LAP3: variants seen among roughly 807,000 people sequenced by gnomAD.
The protein encoded by LAP3 is leucine aminopeptidase 3.
In LAP3, 46 loss-of-function variants were observed where a neutral mutation model predicts 58.8. The observed-to-expected ratio is 0.78, with a 90% CI of 0.62 to 1.00. The LOEUF is 1.00. Among genes scored for constraint, LAP3 ranks in the 50% least tolerant of loss-of-function variants. The pLI is 0.00. For missense variants in LAP3, 615 were observed against 659.1 expected (o/e 0.93, Z 0.73); for synonymous variants, 257 against 237.7 (o/e 1.08, Z -0.75).
At chr4:17,603,538 C>G (rs1245421684) in intron 10 of LAP3, among the ~76,000 whole-genome samples, 1 of 147,532 alleles carries the variant, frequency 6.8e-6, no homozygotes, top group Non-Finnish European at 1.5e-5. Context: ...GAGTTTCGCT[C>G]TTGTTGCTCA....
chr4:17,593,685 C>T (rs930302709), intron 7 of LAP3, among the ~76,000 whole-genome samples: 5 of 138,826 alleles, frequency 3.6e-5, no homozygotes, highest in African/African-American at 1.4e-4. Context: ...AATCTTGGCC[C>T]ACTGCAGCCT....
Position 17,577,324 on chromosome 4 carries a change from C to T in LAP3, c.-142C>T. On this transcript the variant is annotated 5_prime_UTR_variant, in exon 1 of 13. Coordinates refer to ENST00000226299, the MANE Select transcript of LAP3 (RefSeq NM_015907.3). ...CGGTGCTGCCCATCCGTCCCGCCCC[C>T]TAGACGCACGTCCGCTCGCCCGGCG... is the stretch of plus-strand genomic sequence containing the variant. 3 of 388,022 alleles carry T rather than the reference C, an allele frequency of 7.7e-6. No homozygotes were observed. The highest frequency in any genetic ancestry group is 7.4e-4 in the Middle Eastern group (1 of 1,348). The allele number at this position is 388,022 out of a possible 1,614,324, so 24.0% of individuals were successfully genotyped here.
chr4:17,578,882 C>T (rs1187506426), intron 1 of LAP3, among the ~76,000 whole-genome samples: 1 of 152,120 alleles, frequency 6.6e-6, no homozygotes, highest in Non-Finnish European at 1.5e-5. Context: ...CGATGGGAGG[C>T]ACAGCCATTG....
chr4:17,581,900 A>C, intron 3 of LAP3, 86 bp downstream of exon 3: 1 of 1,055,074 alleles, frequency 9.5e-7, no homozygotes, highest in Non-Finnish European at 1.5e-6. Context: ...CATACTAAAC[A>C]TTATGTGTTG....
Position 17,577,408 on chromosome 4 carries a change from C to A in LAP3, c.-58C>A. The A allele has an allele frequency of 7.4e-7, 1 of 1,359,912 alleles. No individual in the cohort carries two copies. The highest frequency in any genetic ancestry group is 9.8e-7 in the Non-Finnish European group (1 of 1,020,784). The allele number at this position is 1,359,912 out of a possible 1,614,324, so 84.2% of individuals were successfully genotyped here. On this transcript the variant is annotated 5_prime_UTR_variant, in exon 1 of 13. Transcript: ENST00000226299. ...CCGAAAGCCCCGCCCCAAGGCGCGC[C>A]CGCCCACCGCTCTCCACGTGCTCGC... is the stretch of plus-strand genomic sequence containing the variant.
chr4:17,598,471 G>A lies in LAP3; in HGVS notation c.1093G>A (p.Ala365Thr). ...CCCTCTGCAGGTTGATAACACTGAT[G>A]CTGAGGGGAGGCTCATACTGGCTGA... ...GKTIQVDNTD[A>T]EGRLILADAL... The change falls in exon 10 of 13, where the codon GCT (alanine) becomes ACT (threonine). Residue 365 changes from alanine (A) to threonine (T), a missense_variant. Ala to Thr is a moderately conservative substitution (Grantham distance 58). Transcript: ENST00000226299. The A allele has an allele frequency of 6.2e-7, 1 of 1,613,906 alleles. No homozygotes were observed. The highest frequency in any genetic ancestry group is 1.1e-5 in the South Asian group (1 of 91,076).
At chr4:17,580,545 AC>A (rs1205468400) in intron 2 of LAP3, among the ~76,000 whole-genome samples, 2 of 151,670 alleles carry the variant, frequency 1.3e-5, no homozygotes, top group South Asian at 2.1e-4. Flanking sequence ...TCCTCAGCCC[AC>A]CCTCCTGGCT....
chr4:17,585,967 A>G (rs1315224612), intron 6 of LAP3: 2 of 152,212 alleles, frequency 1.3e-5, no homozygotes, highest in East Asian at 3.8e-4. Context: ...CACATGGCTT[A>G]TTTTGGTGAA....
At chr4:17,602,613 TTATGATA>T (rs1174335436) in intron 10 of LAP3, among the ~76,000 whole-genome samples, 2 of 152,198 alleles carry the variant, frequency 1.3e-5, no homozygotes, top group African/African-American at 4.8e-5. Context: ...ATTCCTTAAA[TTATGATA>T]TCTCCATCCA....
intron 10 of LAP3, 139 bp downstream of exon 10, chr4:17,598,697 T>G: frequency 1.6e-6 from 1 of 634,174 alleles, no homozygotes. Flanking sequence ...ACCAGAGGAA[T>G]TGTTCTGCAG....
chr4:17,582,544 A>G (rs1424334938), intron 4 of LAP3, 151 bp downstream of exon 4: 1 of 626,602 alleles, frequency 1.6e-6, no homozygotes, highest in East Asian at 2.8e-5. Context: ...CCTCTTGCTG[A>G]ATATGGTTGG....
chr4:17,577,576 C>T lies in LAP3; in HGVS notation c.102+9C>T. Reference sequence around the variant, plus strand: ...CCGCAGACATGACGAAGGTGAGAGGCGGCGGCTCGCTCATGGTCCGCCGCT... The same window carrying T: ...CCGCAGACATGACGAAGGTGAGAGGTGGCGGCTCGCTCATGGTCCGCCGCT... On this transcript the variant is annotated intron_variant, in intron 1 of 12. Coordinates refer to ENST00000226299, the MANE Select transcript of LAP3 (RefSeq NM_015907.3). 6.5e-7 allele frequency: 1 copy of T among 1,533,234 alleles called. No homozygotes were observed. Among genetic ancestry groups the T allele is most frequent in the Non-Finnish European group, 8.8e-7 (1 of 1,137,876 alleles). The allele number at this position is 1,533,234 out of a possible 1,614,324, so 95.0% of individuals were successfully genotyped here.
intron 3 of LAP3, 191 bp from the exon 4 acceptor site, chr4:17,582,097 A>G (rs551134539): frequency 1.6e-6 from 1 of 613,732 alleles, no homozygotes; most frequent in Non-Finnish European, 2.9e-6. Context: ...CCTATAAGTT[A>G]TACAATTTTG....
At chr4:17,601,768 ATTG>A (rs1713986159) in intron 10 of LAP3, among the ~76,000 whole-genome samples, 1 of 152,092 alleles carries the variant, frequency 6.6e-6, no homozygotes, top group African/African-American at 2.4e-5. Context: ...GTTACACTGT[ATTG>A]TTTAGGGAAT....
chr4:17,590,948 T>A (rs1001365221), intron 7 of LAP3, among the ~76,000 whole-genome samples: 2 of 108,830 alleles, frequency 1.8e-5, no homozygotes, highest in Admixed American at 1.0e-4. Flanking sequence ...TTTTTTTTTT[T>A]AGTAGAGACG....
At chr4:17,582,487 C>G in intron 4 of LAP3, 94 bp downstream of exon 4, 5 of 866,998 alleles carry the variant, frequency 5.8e-6, no homozygotes, top group Non-Finnish European at 9.3e-6. Flanking sequence ...GTTGCCACCC[C>G]TTACCACGTT....
In LAP3 at chr4:17,595,632, TAAG is replaced by T. The variant is rs376839631; in HGVS notation, c.988+101_988+103del. On this transcript the variant is annotated intron_variant, in intron 8 of 12. Coordinates refer to ENST00000226299, the MANE Select transcript of LAP3 (RefSeq NM_015907.3). ...TATGATTTCCCCTAATCTGAAAAGA[TAAG>T]AAATGATTTTTAAATAGTCATCAAG... 315 of 1,366,028 alleles carry T rather than the reference TAAG, an allele frequency of 2.3e-4. 1 individual carries two copies. The African/African-American group carries it at 3.4e-3, about 15-fold the overall frequency. 84.6% of individuals were successfully genotyped at this position (1,366,028 alleles called of 1,614,324 possible).
chr4:17,597,458 A>G (rs1438032048), intron 9 of LAP3, among the ~76,000 whole-genome samples: 1 of 152,140 alleles, frequency 6.6e-6, no homozygotes, highest in Non-Finnish European at 1.5e-5. Flanking sequence ...TTGTAGACAC[A>G]GGGTTTTGCC....
At chr4:17,595,876 T>C (rs1713814479) in intron 8 of LAP3, among the ~76,000 whole-genome samples, 1 of 152,098 alleles carries the variant, frequency 6.6e-6, no homozygotes, top group Non-Finnish European at 1.5e-5. Context: ...GACTGATTGC[T>C]TCGTAGGATT....
Sources: gnomAD v4.1 joint callset for allele counts (sites outside exome capture counted in the v4.1 genomes callset) on GRCh38, gnomAD v4.1.1 for gene constraint, MANE v1.5 for transcripts, NCBI Gene and HGNC (gene_info 2026-07-23, HGNC 2026-07-21) for gene names.